Variants in CLOCK observed in about 807,000 individuals in gnomAD.
The protein encoded by CLOCK is clock circadian regulator.
A neutral mutation model predicts 118.4 loss-of-function variants in CLOCK; 43 were observed. That is an observed-to-expected ratio of 0.36 (90% CI 0.28 to 0.47). The LOEUF (loss-of-function observed/expected upper bound fraction) is 0.47, where lower values mean the gene tolerates loss of function less well. Ranked by LOEUF, CLOCK falls within the 20% of genes least tolerant of loss-of-function variation. The pLI, the probability that CLOCK is intolerant of heterozygous loss-of-function variation, is 1.00. For synonymous variants in CLOCK, 326 were observed against 339.2 expected (o/e 0.96, Z 0.43); for missense variants, 846 against 999.9 (o/e 0.85, Z 2.08).
chr4:55,441,968 T>C (rs1723409231), intron 21 of CLOCK, among the ~76,000 whole-genome samples: 1 of 152,196 alleles, frequency 6.6e-6, no homozygotes, highest in South Asian at 2.1e-4. Flanking sequence ...AAACTCACTT[T>C]TTTCTTATCT....
chr4:55,523,801 T>TA (rs200107039), intron 1 of CLOCK, among the ~76,000 whole-genome samples: 2,293 of 152,168 alleles, frequency 0.015, 62 homozygotes, highest in African/African-American at 0.053. Flanking sequence ...AATTTCATCA[T>TA]AAAAAAAATT....
chr4:55,515,447 TC>T (rs1460300572), intron 1 of CLOCK, among the ~76,000 whole-genome samples: 1 of 152,214 alleles, frequency 6.6e-6, no homozygotes, highest in African/African-American at 2.4e-5. Context: ...CAATCTCGGC[TC>T]ACTGCAGCCT....
Position 55,459,022 on chromosome 4 carries a change from G to A in CLOCK, c.674-12C>T, listed in dbSNP as rs778749319. On this transcript the variant is annotated splice_polypyrimidine_tract_variant and intron_variant, in intron 10 of 22. Coordinates refer to ENST00000513440, the MANE Select transcript of CLOCK (RefSeq NM_004898.4). ...TGCTGAAGAGGATACTAAAACAATAGGGAAATATGTATCATCAGTTATGCC... is the reference window on the plus strand; with the variant it reads ...TGCTGAAGAGGATACTAAAACAATAAGGAAATATGTATCATCAGTTATGCC... The A allele has an allele frequency of 2.1e-5, 33 of 1,592,914 alleles. No homozygotes were observed. Among genetic ancestry groups the A allele is most frequent in the Admixed American group, 5.0e-5 (3 of 59,946 alleles).
chr4:55,498,434 C>T (rs1159339416), intron 2 of CLOCK, among the ~76,000 whole-genome samples: 1 of 152,086 alleles, frequency 6.6e-6, no homozygotes, highest in Non-Finnish European at 1.5e-5. Context: ...AGCATGTCTT[C>T]TTCACTAAAA....
chr4:55,537,209 G>A (rs554390398), intron 1 of CLOCK, among the ~76,000 whole-genome samples: 1 of 152,300 alleles, frequency 6.6e-6, no homozygotes, highest in African/African-American at 2.4e-5. Flanking sequence ...ACGGCCAGGA[G>A]TGGAGGCTCA....
rs763393632 is a variant in CLOCK, at chr4:55,430,976, C to T, written c.*4439G>A. ...ACTCCCATAAACCAACTACGGTTCA[C>T]TGGACCTAAACATTTCTCAGAAATG... is the stretch of plus-strand genomic sequence containing the variant. On this transcript the variant is annotated 3_prime_UTR_variant, in exon 23 of 23. Coordinates refer to ENST00000513440, the MANE Select transcript of CLOCK (RefSeq NM_004898.4). 4.6e-5 allele frequency: 7 copies of T among 152,212 alleles called. No individual in the cohort carries two copies. Among genetic ancestry groups the T allele is most frequent in the Admixed American group, 2.0e-4 (3 of 15,286 alleles). The allele number at this position is 152,212 out of a possible 1,614,324, so 9.4% of individuals were successfully genotyped here. A position where few individuals can be genotyped will look rare whatever the true frequency, so the allele number is the denominator to read the frequency against.
At chr4:55,437,274 C>A (rs911351651) in intron 22 of CLOCK, among the ~76,000 whole-genome samples, 1 of 152,082 alleles carries the variant, frequency 6.6e-6, no homozygotes, top group African/African-American at 2.4e-5. Flanking sequence ...ATAATCACAT[C>A]ACATGTTATA....
intron 1 of CLOCK, among the ~76,000 whole-genome samples, chr4:55,534,313 A>T (rs1191551511): frequency 6.6e-6 from 1 of 152,144 alleles, no homozygotes; most frequent in Middle Eastern, 3.2e-3. Context: ...AAAGGCCAGC[A>T]TTACCCTGAT....
chr4:55,526,676 C>T (rs1198607926), intron 1 of CLOCK, among the ~76,000 whole-genome samples: 2 of 151,794 alleles, frequency 1.3e-5, no homozygotes, highest in Non-Finnish European at 2.9e-5. Context: ...AGGCCGGGCA[C>T]GGTGGCTCAC....
chr4:55,464,003 C>T (rs1263719871), intron 8 of CLOCK, among the ~76,000 whole-genome samples, 198 bp from the exon 9 acceptor site: 2 of 152,142 alleles, frequency 1.3e-5, no homozygotes, highest in Non-Finnish European at 2.9e-5. Flanking sequence ...CCAATATGAC[C>T]TTGAAAGCCT....
chr4:55,519,137 A>C (rs980343979), intron 1 of CLOCK, among the ~76,000 whole-genome samples: 1 of 152,058 alleles, frequency 6.6e-6, no homozygotes, highest in Non-Finnish European at 1.5e-5. Flanking sequence ...CTACCGCCTC[A>C]AACTCCTGGG....
At position 55,483,712 on chromosome 4, in the gene CLOCK, A is replaced by C. The variant is rs111719065; in HGVS notation, c.-43-884T>G. ...TAAGAGGTTTAGCATTTTCCTTATGAAAAACCTGGGATGTTACAATTTAAA... is the reference window on the plus strand; with the variant it reads ...TAAGAGGTTTAGCATTTTCCTTATGCAAAACCTGGGATGTTACAATTTAAA... On this transcript the variant is annotated intron_variant, in intron 3 of 22. Coordinates refer to ENST00000513440, the MANE Select transcript of CLOCK (RefSeq NM_004898.4). Among the ~76,000 whole-genome samples the C allele has an allele frequency of 4.0e-3, 609 of 152,332 alleles. 4 individuals carry two copies. The highest frequency in any genetic ancestry group is 0.014 in the African/African-American group (581 of 41,578).
chr4:55,497,581 A>G (rs982811472), intron 2 of CLOCK, among the ~76,000 whole-genome samples: 33 of 152,234 alleles, frequency 2.2e-4, no homozygotes, highest in Non-Finnish European at 4.6e-4. Flanking sequence ...TTAATAGATA[A>G]AAGACTACAG....
intron 8 of CLOCK, among the ~76,000 whole-genome samples, chr4:55,469,691 A>G (rs1447385520): frequency 1.3e-5 from 2 of 152,168 alleles, no homozygotes; most frequent in Non-Finnish European, 2.9e-5. Flanking sequence ...GAAAGGAAAT[A>G]TTTTTGTACA....
At chr4:55,537,009 C>T (rs1283728249) in intron 1 of CLOCK, among the ~76,000 whole-genome samples, 1 of 151,860 alleles carries the variant, frequency 6.6e-6, no homozygotes, top group Admixed American at 6.6e-5. Context: ...AAAATAAATC[C>T]GAATAAATTT....
At chr4:55,495,610 C>T (rs955632900) in intron 2 of CLOCK, among the ~76,000 whole-genome samples, 2 of 152,120 alleles carry the variant, frequency 1.3e-5, no homozygotes, top group Admixed American at 6.5e-5. Flanking sequence ...AGCCCCTTCA[C>T]TCCACGAAGG....
intron 1 of CLOCK, among the ~76,000 whole-genome samples, chr4:55,518,560 G>A (rs1014570251): frequency 2.0e-5 from 3 of 152,172 alleles, no homozygotes; most frequent in African/African-American, 4.8e-5. Flanking sequence ...AATCCCCAAT[G>A]TGACAGTATT....
chr4:55,430,998 AATGTGTC>A lies in CLOCK; in HGVS notation c.*4410_*4416del, dbSNP rs1722463385. The A allele has an allele frequency of 6.6e-6, 1 of 152,224 alleles. No homozygotes were observed. Among genetic ancestry groups the A allele is most frequent in the Non-Finnish European group, 1.5e-5 (1 of 68,034 alleles). The allele number at this position is 152,224 out of a possible 1,614,324, so 9.4% of individuals were successfully genotyped here. ...TCACTGGACCTAAACATTTCTCAGAAATGTGTCATTTTATATAATTTCACCTAAGTAA... is the reference window on the plus strand; with the variant it reads ...TCACTGGACCTAAACATTTCTCAGAAATTTTATATAATTTCACCTAAGTAA... On this transcript the variant is annotated 3_prime_UTR_variant, in exon 23 of 23. Coordinates refer to ENST00000513440, the MANE Select transcript of CLOCK (RefSeq NM_004898.4).
chr4:55,542,700 C>A (rs911653053), intron 1 of CLOCK, among the ~76,000 whole-genome samples: 4 of 151,886 alleles, frequency 2.6e-5, no homozygotes, highest in African/African-American at 9.7e-5. Flanking sequence ...TCTCCTTTTC[C>A]CTTCAAAAGC....
Sources: gnomAD v4.1 joint callset for allele counts (sites outside exome capture counted in the v4.1 genomes callset) on GRCh38, gnomAD v4.1.1 for gene constraint, MANE v1.5 for transcripts, NCBI Gene and HGNC (gene_info 2026-07-23, HGNC 2026-07-21) for gene names.